PZP: variants seen among roughly 807,000 people sequenced by gnomAD.
PZP encodes pregnancy zone protein.
In PZP, 150 loss-of-function variants were observed where a neutral mutation model predicts 179.8. That is an observed-to-expected ratio of 0.83 (90% confidence interval 0.73 to 0.96). The LOEUF (loss-of-function observed/expected upper bound fraction) is 0.96. Ranked by LOEUF, PZP falls within the 40% of genes least tolerant of loss-of-function variation. The probability of loss-of-function intolerance (pLI) is 0.00; values close to 1 mark genes in which losing one functional copy is unlikely to be tolerated. For missense variants in PZP, 1,689 were observed against 1,764.0 expected, an observed-to-expected ratio of 0.96 and a Z score of 0.76; for synonymous variants, 624 against 652.3, an observed-to-expected ratio of 0.96 and a Z score of 0.66.
the PZP span, among the ~76,000 whole-genome samples, chr12:9,140,232 A>G: frequency 6.6e-6 from 1 of 152,202 alleles, no homozygotes; most frequent in Non-Finnish European, 1.5e-5. Context: ...TTAATTAGGC[A>G]GGGTAAGAAC....
intron 13 of PZP, among the ~76,000 whole-genome samples, chr12:9,189,472 A>G (rs1943328361): frequency 6.6e-6 from 1 of 152,248 alleles, no homozygotes; most frequent in Non-Finnish European, 1.5e-5. Flanking sequence ...CCCGCCTTAC[A>G]CAATGCACAA....
intron 11 of PZP, among the ~76,000 whole-genome samples, chr12:9,193,095 AG>A (rs1489106416): frequency 6.6e-6 from 1 of 152,230 alleles, no homozygotes; most frequent in African/African-American, 2.4e-5. Flanking sequence ...AATTAAAATT[AG>A]GGTTTGTATT....
chr12:9,149,505 C>A, intron 35 of PZP, 56 bp downstream of exon 35: 1 of 1,496,396 alleles, frequency 6.7e-7, no homozygotes, highest in Non-Finnish European at 9.2e-7. Context: ...ATTGCAGGGG[C>A]CCTTGGAGAG....
intron 15 of PZP, among the ~76,000 whole-genome samples, chr12:9,177,353 T>C (rs7138080): frequency 0.68 from 102,989 of 152,002 alleles, 35,392 homozygotes; most frequent in East Asian, 0.87. Flanking sequence ...CTCAAGAAAC[T>C]TGTCTTGGAA....
chr12:9,158,315 C>A, intron 26 of PZP, 105 bp downstream of exon 26: 1 of 1,466,304 alleles, frequency 6.8e-7, no homozygotes, highest in Non-Finnish European at 9.4e-7. Context: ...CCCACATCAT[C>A]CAGGACTTCA....
At chr12:9,190,922 T>C (rs1943423496) in intron 13 of PZP, among the ~76,000 whole-genome samples, 1 of 152,200 alleles carries the variant, frequency 6.6e-6, no homozygotes, top group Non-Finnish European at 1.5e-5. Flanking sequence ...TCTTTTATCA[T>C]AGAGGTGTAA....
chr12:9,197,966 T>C (rs938842142), intron 7 of PZP, among the ~76,000 whole-genome samples: 3 of 134,652 alleles, frequency 2.2e-5, no homozygotes, highest in African/African-American at 8.3e-5. Flanking sequence ...ATTTATATAT[T>C]ATATATTAAT....
In PZP at chr12:9,151,526, T is replaced by C. The variant is rs150952352; in HGVS notation, c.4281+78A>G. 698 of 1,198,334 alleles carry C rather than the reference T, an allele frequency of 5.8e-4. 4 individuals carry two copies. In the East Asian group the frequency reaches 5.9e-3, roughly 10 times the overall value. The allele number at this position is 1,198,334 out of a possible 1,614,324, so 74.2% of individuals were successfully genotyped here. ...TTACTAATGATTGTTTTCCTCATGT[T>C]ACCGACTATTCTAGTAAAGAGACTC... On this transcript the variant is annotated intron_variant, in intron 33 of 35. Coordinates refer to ENST00000261336, the MANE Select transcript of PZP (RefSeq NM_002864.3).
At position 9,153,096 on chromosome 12, in the gene PZP, C is replaced by T. The variant is rs184743548; in HGVS notation, c.3993+29G>A. On this transcript the variant is annotated intron_variant, in intron 30 of 35. Transcript: ENST00000261336. ...TTTCAATTGGCAAGTTTAAAGTTGA[C>T]TCTCACCCATATAAGCTTGGAGCCC... The T allele has an allele frequency of 1.1e-3, 1,745 of 1,611,528 alleles. 5 individuals carry two copies. The highest frequency in any genetic ancestry group is 1.4e-3 in the Admixed American group (84 of 59,958).
chr12:9,143,553 G>A, the PZP span, among the ~76,000 whole-genome samples: 1 of 152,084 alleles, frequency 6.6e-6, no homozygotes, highest in Non-Finnish European at 1.5e-5. Flanking sequence ...TTCATGAGGG[G>A]TGCAAGCTTG....
At chr12:9,142,821 C>G in the PZP span, among the ~76,000 whole-genome samples, 2 of 152,184 alleles carry the variant, frequency 1.3e-5, no homozygotes, top group Non-Finnish European at 2.9e-5. Flanking sequence ...TTATTTACCT[C>G]TAATTCCAGG....
chr12:9,164,807 G>T (rs3782677), intron 19 of PZP, among the ~76,000 whole-genome samples: 60,931 of 151,952 alleles, frequency 0.4, 12,335 homozygotes, highest in Middle Eastern at 0.43. Flanking sequence ...ACGGGTTGGA[G>T]AATGACTCTC....
At chr12:9,139,756 A>C in the PZP span, among the ~76,000 whole-genome samples, 1 of 152,158 alleles carries the variant, frequency 6.6e-6, no homozygotes, top group Non-Finnish European at 1.5e-5. Context: ...TCCTCCTGTA[A>C]GAGTTAAAGA....
chr12:9,159,799 A>C (rs756631611), intron 25 of PZP, 139 bp downstream of exon 25: 378 of 751,776 alleles, frequency 5.0e-4, no homozygotes, highest in Admixed American at 6.0e-4. Flanking sequence ...TCATAGCTAT[A>C]AGAAATAAAT....
At chr12:9,200,573 A>G (rs1221910901) in intron 6 of PZP, 125 bp from the exon 7 acceptor site, 48 of 775,680 alleles carry the variant, frequency 6.2e-5, no homozygotes, top group Non-Finnish European at 4.5e-5. Context: ...TTTCCAATGT[A>G]TCAACTTTAA....
intron 13 of PZP, among the ~76,000 whole-genome samples, chr12:9,190,696 T>C (rs182183848): frequency 1.3e-5 from 2 of 152,252 alleles, no homozygotes; most frequent in East Asian, 3.9e-4. Context: ...AAACCTAAAA[T>C]AAAAGTTTTA....
At chr12:9,158,297 G>T in intron 26 of PZP, 123 bp downstream of exon 26, 1 of 1,373,778 alleles carries the variant, frequency 7.3e-7, no homozygotes, top group Non-Finnish European at 1.0e-6. Context: ...CTCTTTCCCT[G>T]ATGCCATCCC....
In PZP at chr12:9,161,078, A is replaced by G. The variant is rs377457222; in HGVS notation, c.2827T>C (p.Ser943Pro). Reference sequence around the variant, plus strand: ...CTGGCAGATTCTTTGACCACATTTGATGGGAGCTTCAAGGACAACTGCTCA... The same window carrying G: ...CTGGCAGATTCTTTGACCACATTTGGTGGGAGCTTCAAGGACAACTGCTCA... ...VSEQLSLKLP[S>P]NVVKESARAS... Residue 943 changes from serine to proline, a missense_variant, in exon 23 of 36, where the codon TCA (serine) becomes CCA (proline). Physicochemically the swap from Ser to Pro is moderately conservative, Grantham distance 74. Around this residue, in one of 3 missense-constraint regions of PZP, gnomAD observed 746 missense variants for 749.2 expected, o/e 1.00. Transcript: ENST00000261336. The G allele has an allele frequency of 1.2e-6, 2 of 1,603,964 alleles. No homozygotes were observed. The highest frequency in any genetic ancestry group is 1.7e-6 in the Non-Finnish European group (2 of 1,171,552).
At position 9,200,896 on chromosome 12, in the gene PZP, T is replaced by G; in HGVS notation, c.666A>C (p.Glu222Asp). ...GRIQHPFTVE[E>D]FVLPKFEVKV... ...TTCATCTTCCATAATCCATACCAAA[T>G]TCCTCCACGGTGAAGGGGTGCTGTA... Residue 222 changes from glutamate (E) to aspartate (D), a missense_variant, in exon 6 of 36, where the codon GAA becomes GAC. This residue lies in a region of PZP where 742 missense variants were observed against 730.5 expected (regional missense o/e 1.02). Transcript: ENST00000261336. The G allele has an allele frequency of 6.2e-7, 1 of 1,611,326 alleles. No individual in the cohort carries two copies. Among genetic ancestry groups the G allele is most frequent in the South Asian group, 1.1e-5 (1 of 90,468 alleles).
Sources: allele counts gnomAD v4.1 joint callset (sites outside exome capture counted in the v4.1 genomes callset), GRCh38; gene constraint gnomAD v4.1.1; regional missense constraint gnomAD v4.1.1; transcripts MANE v1.5; gene names NCBI Gene and HGNC (gene_info 2026-07-23, HGNC 2026-07-21).